Variants in MTA3 observed in about 807,000 individuals in gnomAD.
MTA3 encodes metastasis-associated protein MTA3.
In MTA3, 34 loss-of-function variants were observed where a neutral mutation model predicts 83.5. The ratio of observed to expected loss-of-function variants is 0.41; its 90% CI spans 0.31 to 0.54. The LOEUF is 0.54. Ranked by LOEUF, MTA3 falls within the 20% of genes least tolerant of loss-of-function variation. The pLI is 0.33. For missense variants in MTA3, 761 were observed against 726.4 expected (o/e 1.05, Z -0.55); for synonymous variants, 303 against 252.7 (o/e 1.20, Z -1.89).
intron 4 of MTA3, among the ~76,000 whole-genome samples, chr2:42,637,509 C>T (rs545202322): frequency 3.3e-5 from 5 of 152,266 alleles, no homozygotes; most frequent in Middle Eastern, 3.4e-3. Flanking sequence ...AGGAAACTAA[C>T]GCTTTAAATC....
At chr2:42,567,122 A>C (rs562320793), upstream of MTA3, among the ~76,000 whole-genome samples, 55 of 152,134 alleles carry the variant, frequency 3.6e-4, no homozygotes, top group Non-Finnish European at 6.2e-4. Context: ...AACCCTTGGG[A>C]ATCTGTGGTT....
intron 2 of MTA3, among the ~76,000 whole-genome samples, chr2:42,550,893 T>G (rs986024206): frequency 6.6e-6 from 1 of 151,634 alleles, no homozygotes; most frequent in African/African-American, 2.4e-5. Flanking sequence ...AATACAAAAA[T>G]TAGCCGGGCA....
At chr2:42,743,923 C>G (rs1669222111) in intron 16 of MTA3, among the ~76,000 whole-genome samples, 1 of 152,076 alleles carries the variant, frequency 6.6e-6, no homozygotes, top group African/African-American at 2.4e-5. Flanking sequence ...AAAACTCATG[C>G]CATTTCAAAA....
intron 12 of MTA3, among the ~76,000 whole-genome samples, chr2:42,707,119 C>T (rs1211997226): frequency 6.6e-6 from 1 of 152,102 alleles, no homozygotes; most frequent in Non-Finnish European, 1.5e-5. Flanking sequence ...GGTTCACCAC[C>T]ACACCTGGCT....
intron 14 of MTA3, among the ~76,000 whole-genome samples, chr2:42,718,629 G>A (rs1348396881): frequency 6.6e-6 from 1 of 151,874 alleles, no homozygotes; most frequent in Non-Finnish European, 1.5e-5. Flanking sequence ...CCAGCATGGT[G>A]GTGTGCACCT....
chr2:42,605,157 C>T lies in MTA3; in HGVS notation c.191-4301C>T, dbSNP rs1175965766. Among the ~76,000 whole-genome samples the T allele has an allele frequency of 3.4e-5, 5 of 147,512 alleles. No homozygotes were observed. In the East Asian group the frequency reaches 8.0e-4, roughly 24 times the overall value. ...GGGGCTCCTCACTTCCCAGTAGGGG[C>T]GGCCGGGCAGAGGCGCCCCTCACCT... On this transcript the variant is annotated intron_variant, in intron 3 of 16. Transcript: ENST00000405094.
chr2:42,749,378 C>T (rs1205007106), intron 16 of MTA3, among the ~76,000 whole-genome samples: 2 of 152,294 alleles, frequency 1.3e-5, no homozygotes, highest in African/African-American at 2.4e-5. Context: ...TACTTTGTCT[C>T]TCTTTTTTCT....
At chr2:42,744,963 T>C (rs1393188213) in intron 16 of MTA3, among the ~76,000 whole-genome samples, 1 of 152,196 alleles carries the variant, frequency 6.6e-6, no homozygotes, top group African/African-American at 2.4e-5. Flanking sequence ...TGTCACAGTC[T>C]AGTTGATTTG....
At chr2:42,650,753 A>G (rs1410665283) in intron 6 of MTA3, among the ~76,000 whole-genome samples, 2 of 152,212 alleles carry the variant, frequency 1.3e-5, no homozygotes, top group East Asian at 3.8e-4. Flanking sequence ...ATGGTAGTAC[A>G]TACAACATTG....
At chr2:42,674,837 T>C (rs1272226768) in intron 8 of MTA3, among the ~76,000 whole-genome samples, 5 of 151,812 alleles carry the variant, frequency 3.3e-5, no homozygotes, top group Non-Finnish European at 5.9e-5. Flanking sequence ...GACCTCGTGA[T>C]GATCTGCCCG....
At chr2:42,593,821 A>G (rs1389503257) in intron 3 of MTA3, among the ~76,000 whole-genome samples, 2 of 152,334 alleles carry the variant, frequency 1.3e-5, no homozygotes. Context: ...TCTATAAAAA[A>G]TAAATGGTTA....
At chr2:42,589,771 A>G (rs1680751615) in intron 3 of MTA3, among the ~76,000 whole-genome samples, 1 of 152,096 alleles carries the variant, frequency 6.6e-6, no homozygotes, top group Non-Finnish European at 1.5e-5. Context: ...AGGCTGAAGT[A>G]TGTATAGGAC....
At chr2:42,596,603 A>G (rs1348224700) in intron 3 of MTA3, among the ~76,000 whole-genome samples, 1 of 152,168 alleles carries the variant, frequency 6.6e-6, no homozygotes, top group African/African-American at 2.4e-5. Context: ...TTAATGGTTT[A>G]TATTTTTTGT....
At chr2:42,745,850 T>C (rs1669375396) in intron 16 of MTA3, among the ~76,000 whole-genome samples, 1 of 151,296 alleles carries the variant, frequency 6.6e-6, no homozygotes, top group Non-Finnish European at 1.5e-5. Context: ...AGTCTCGCTC[T>C]GTCACCAGAT....
intron 2 of MTA3, among the ~76,000 whole-genome samples, chr2:42,544,639 G>A (rs1158302972): frequency 6.7e-6 from 1 of 149,976 alleles, no homozygotes; most frequent in Non-Finnish European, 1.5e-5. Flanking sequence ...TTGCCACCTC[G>A]GCCTCCCAAA....
At chr2:42,641,764 G>A (rs1169525493) in intron 5 of MTA3, among the ~76,000 whole-genome samples, 1 of 152,116 alleles carries the variant, frequency 6.6e-6, no homozygotes, top group Non-Finnish European at 1.5e-5. Context: ...TACTTGGGAG[G>A]CTGAGGCAGG....
At chr2:42,542,555 T>G (rs1676569694) in intron 2 of MTA3, among the ~76,000 whole-genome samples, 1 of 152,120 alleles carries the variant, frequency 6.6e-6, no homozygotes, top group South Asian at 2.1e-4. Context: ...TTTTATTTAT[T>G]TATTTATTTA....
chr2:42,612,165 T>G (rs1463644947), intron 4 of MTA3, among the ~76,000 whole-genome samples: 2 of 151,804 alleles, frequency 1.3e-5, no homozygotes, highest in Non-Finnish European at 3.0e-5. Context: ...CATAAAAACG[T>G]GACATTTTCT....
rs146497214 is a variant in MTA3, at chr2:42,616,822, C to T, written c.317+7238C>T. Among the ~76,000 whole-genome samples, 9 of 151,102 alleles carry T rather than the reference C, an allele frequency of 6.0e-5. No homozygotes were observed. In the East Asian group the frequency reaches 1.4e-3, roughly 23 times the overall value. On this transcript the variant is annotated intron_variant, in intron 4 of 16. Coordinates refer to ENST00000405094, the MANE Select transcript of MTA3 (RefSeq NM_001330442.2). ...GCAAACGATCGCTGCTGGTCTCAAG[C>T]GATCCTCCTGCCTTGGCCTCCCAAA...
Sources: allele counts gnomAD v4.1 joint callset (sites outside exome capture counted in the v4.1 genomes callset), GRCh38; gene constraint gnomAD v4.1.1; transcripts MANE v1.5; gene names NCBI Gene and HGNC (gene_info 2026-07-23, HGNC 2026-07-21).